SNW1: variants seen among roughly 807,000 people sequenced by gnomAD.
SNW1 encodes the protein SNW domain containing 1, also known as SNW domain-containing protein 1.
A neutral mutation model predicts 75.6 loss-of-function variants in SNW1; 9 were observed. That is an observed-to-expected ratio of 0.12 (90% CI 0.07 to 0.21). The LOEUF (loss-of-function observed/expected upper bound fraction) is 0.21. Ranked by LOEUF, SNW1 falls within the 10% of genes least tolerant of loss-of-function variation. The pLI is 1.00. For synonymous variants in SNW1, 200 were observed against 219.1 expected (o/e 0.91, Z 0.77); for missense variants, 409 against 670.9 (o/e 0.61, Z 4.31).
At chr14:77,759,743 A>G (rs2080870885) in intron 1 of SNW1, among the ~76,000 whole-genome samples, 1 of 152,150 alleles carries the variant, frequency 6.6e-6, no homozygotes, top group African/African-American at 2.4e-5. Flanking sequence ...TGGGAGGCCT[A>G]GGTGAGAAGA....
Position 77,751,581 on chromosome 14 carries a change from G to C in SNW1, c.169-101C>G, listed in dbSNP as rs58183440. ...TAATTGTTGAGTCCTTAGTATGCTAGATGCTAGAGATACAGCAGAGTTCCC... is the reference window on the plus strand; with the variant it reads ...TAATTGTTGAGTCCTTAGTATGCTACATGCTAGAGATACAGCAGAGTTCCC... On this transcript the variant is annotated intron_variant, in intron 2 of 13. Transcript: ENST00000261531. 185 of 861,588 alleles carry C rather than the reference G, an allele frequency of 2.1e-4. 2 individuals carry two copies. In the East Asian group the frequency reaches 5.0e-3, roughly 23 times the overall value. The allele number at this position is 861,588 out of a possible 1,614,324, so 53.4% of individuals were successfully genotyped here.
intron 2 of SNW1, among the ~76,000 whole-genome samples, chr14:77,751,842 ACAC>A (rs553242092): frequency 0.023 from 2,800 of 123,972 alleles, 74 homozygotes; most frequent in African/African-American, 0.077. Context: ...ACACACACAC[ACAC>A]CACACACACA....
intron 1 of SNW1, 48 bp downstream of exon 1, chr14:77,761,066 T>C: frequency 1.2e-6 from 2 of 1,614,232 alleles, no homozygotes; most frequent in Non-Finnish European, 1.7e-6. Context: ...TGAAGAAGAC[T>C]GGTACTCCCA....
At chr14:77,730,723 G>A (rs1386050854) in intron 10 of SNW1, 6 of 322,118 alleles carry the variant, frequency 1.9e-5, no homozygotes, top group African/African-American at 4.3e-5. Context: ...CCTATCATTT[G>A]AGTAATAATG....
At chr14:77,720,112 A>G (rs2080527010) in intron 12 of SNW1, among the ~76,000 whole-genome samples, 1 of 152,220 alleles carries the variant, frequency 6.6e-6, no homozygotes. Context: ...TAAAAGAAAA[A>G]TCCAAAAATC....
chr14:77,742,125 G>A (rs76062867), intron 3 of SNW1, among the ~76,000 whole-genome samples: 25,620 of 151,692 alleles, frequency 0.17, 2,555 homozygotes, highest in Non-Finnish European at 0.23. Flanking sequence ...TCCGCCTCCC[G>A]GGTTAAAACC....
Position 77,760,723 on chromosome 14 carries a change from C to T in SNW1, c.14+391G>A, listed in dbSNP as rs544017632. On this transcript the variant is annotated intron_variant, in intron 1 of 13. Coordinates refer to ENST00000261531, the MANE Select transcript of SNW1 (RefSeq NM_012245.3). ...CCACCACAGGCAAACGGCCGGAAAG[C>T]CGCGCAGTCGCAGCCCGCGCGCTTC... 9.5e-5 allele frequency: 67 copies of T among 702,462 alleles called. 1 individual carries two copies. The highest frequency in any genetic ancestry group is 3.8e-4 in the South Asian group (26 of 67,602). 43.5% of individuals were successfully genotyped at this position (702,462 alleles called of 1,614,324 possible). A position where few individuals can be genotyped will look rare whatever the true frequency, so the allele number is the denominator to read the frequency against.
chr14:77,747,805 C>CT (rs2139925285), intron 3 of SNW1, among the ~76,000 whole-genome samples: 1 of 149,264 alleles, frequency 6.7e-6, no homozygotes, highest in South Asian at 2.1e-4. Context: ...GGGGGCGCCT[C>CT]TGCCTGGCCG....
intron 10 of SNW1, 171 bp downstream of exon 10, chr14:77,730,817 G>T (rs960683525): frequency 3.1e-6 from 2 of 653,318 alleles, no homozygotes; most frequent in African/African-American, 1.9e-5. Flanking sequence ...CTTATCTCCT[G>T]TTGCTTCAGC....
At chr14:77,723,065 T>C in intron 11 of SNW1, 116 bp downstream of exon 11, 1 of 772,392 alleles carries the variant, frequency 1.3e-6, no homozygotes, top group African/African-American at 1.7e-5. Context: ...GCCAGGATGG[T>C]CTCGATCTCC....
rs201476853 is a variant in SNW1 at position 77,735,291 on chromosome 14, C to CT, written c.709-280dup. On this transcript the variant is annotated intron_variant, in intron 7 of 13. Coordinates refer to ENST00000261531, the MANE Select transcript of SNW1 (RefSeq NM_012245.3). ...ATATTTAAAGTGATGTGACTTTTTTCTTTTTTTTATTGAGACGGGGTTTCG... is the reference window on the plus strand; with the variant it reads ...ATATTTAAAGTGATGTGACTTTTTTCTTTTTTTTTATTGAGACGGGGTTTCG... Among the ~76,000 whole-genome samples the CT allele has an allele frequency of 1.4e-3, 220 of 151,864 alleles. 4 individuals carry two copies. The highest frequency in any genetic ancestry group is 5.0e-3 in the African/African-American group (209 of 41,454).
chr14:77,727,102 G>A (rs1342762260), intron 10 of SNW1, among the ~76,000 whole-genome samples: 1 of 151,754 alleles, frequency 6.6e-6, no homozygotes, highest in Admixed American at 6.6e-5. Flanking sequence ...TGCCCAGGCT[G>A]GAGTGCAGTG....
At chr14:77,761,052 G>T in intron 1 of SNW1, 62 bp downstream of exon 1, 1 of 1,614,262 alleles carries the variant, frequency 6.2e-7, no homozygotes, top group South Asian at 1.1e-5. Flanking sequence ...TATGGGAAGA[G>T]AAATGAAGAA....
In SNW1 at chr14:77,717,739, A is replaced by G. The variant is rs2080499994; in HGVS notation, c.*349T>C. On this transcript the variant is annotated 3_prime_UTR_variant, in exon 14 of 14. Transcript: ENST00000261531. The stretch of plus-strand genomic sequence containing the variant: ...CCAGTATGTGAACATCTTCCTCCTC[A>G]CTGTGGTTGGGGTAACTTTACTCAT... The G allele has an allele frequency of 8.0e-6, 5 of 626,896 alleles. No homozygotes were observed. The South Asian group carries it at 8.0e-5, about 10-fold the overall frequency. 38.8% of individuals were successfully genotyped at this position (626,896 alleles called of 1,614,324 possible).
At chr14:77,747,131 C>G (rs1427526109) in intron 3 of SNW1, among the ~76,000 whole-genome samples, 1 of 152,200 alleles carries the variant, frequency 6.6e-6, no homozygotes, top group Non-Finnish European at 1.5e-5. Context: ...GTTGGCCGGG[C>G]TGGTCTCCAG....
rs1420194652 is a variant in SNW1 at position 77,755,076 on chromosome 14, G to A, written c.59C>T (p.Ala20Val). The change falls in exon 2 of 14, where the codon GCT becomes GTT. Residue 20 changes from alanine to valine, a missense_variant. Ala to Val is a moderately conservative substitution (Grantham distance 64, BLOSUM62 0). Around this residue, in one of 9 missense-constraint regions of SNW1, gnomAD observed 73 missense variants for 68.3 expected, o/e 1.07. Transcript: ENST00000261531. ...PTQLSQDQLE[A>V]EEKARSQRSR... ...TCTCTGGGATCTTGCCTTTTCTTCA[G>A]CCTCAAGCTGGTCCTGAGATAGCTG... The A allele has an allele frequency of 1.2e-6, 2 of 1,613,056 alleles. No individual in the cohort carries two copies. Among genetic ancestry groups the A allele is most frequent in the South Asian group, 2.2e-5 (2 of 90,986 alleles).
rs568651886 is a variant in SNW1 at position 77,723,057 on chromosome 14, C to G, written c.1130+124G>C. 1.5e-3 allele frequency: 1,078 copies of G among 743,046 alleles called. 14 individuals are homozygous for G. In the African/African-American group the frequency reaches 0.016, roughly 11 times the overall value. 46.0% of individuals were successfully genotyped at this position (743,046 alleles called of 1,614,324 possible). On this transcript the variant is annotated intron_variant, in intron 11 of 13. Transcript: ENST00000261531. The stretch of plus-strand genomic sequence containing the variant: ...AGACACAGGGTTTCATCGTGTTAGC[C>G]AGGATGGTCTCGATCTCCTGACCTC...
chr14:77,735,435 G>A (rs574619678), intron 7 of SNW1, among the ~76,000 whole-genome samples: 2 of 151,908 alleles, frequency 1.3e-5, no homozygotes, highest in Non-Finnish European at 2.9e-5. Context: ...ATAGGCATGC[G>A]CCACCATGCC....
intron 3 of SNW1, among the ~76,000 whole-genome samples, chr14:77,740,736 T>C (rs1399814734): frequency 1.3e-5 from 2 of 152,194 alleles, no homozygotes; most frequent in African/African-American, 4.8e-5. Flanking sequence ...CTGTTTACTG[T>C]GATCAAGACT....
Sources: gnomAD v4.1 joint callset for allele counts (sites outside exome capture counted in the v4.1 genomes callset) on GRCh38, gnomAD v4.1.1 for gene constraint, gnomAD v4.1.1 regional missense constraint, MANE v1.5 for transcripts, NCBI Gene and HGNC (gene_info 2026-07-23, HGNC 2026-07-21) for gene names.